The following PCDH9 variants were observed in gnomAD, a reference collection of about 807,000 sequenced individuals.
PCDH9 encodes the protein protocadherin-9.
In PCDH9, 24 loss-of-function variants were observed where a neutral mutation model predicts 70.6. The ratio of observed to expected loss-of-function variants is 0.34; its 90% confidence interval spans 0.25 to 0.48. The LOEUF (loss-of-function observed/expected upper bound fraction) is 0.48, where lower values mean the gene tolerates loss of function less well. Among genes scored for constraint, PCDH9 ranks in the 20% least tolerant of loss-of-function variants. The pLI is 0.99. For synonymous variants in PCDH9, 562 were observed against 558.5 expected, an observed-to-expected ratio of 1.01 and a Z score of -0.09; for missense variants, 1,281 against 1,503.6, an observed-to-expected ratio of 0.85 and a Z score of 2.45.
At chr13:66,684,662 T>A (rs12585457) in intron 3 of PCDH9, among the ~76,000 whole-genome samples, 48,781 of 152,032 alleles carry the variant, frequency 0.32, 8,566 homozygotes, top group East Asian at 0.51. Context: ...TCAGGAAACA[T>A]GTGGAACTGT....
At chr13:66,731,573 T>C (rs1277972497) in intron 3 of PCDH9, among the ~76,000 whole-genome samples, 4 of 152,122 alleles carry the variant, frequency 2.6e-5, no homozygotes, top group Admixed American at 2.0e-4. Context: ...AGCAAGAGCA[T>C]GATGGATTAT....
intron 2 of PCDH9, among the ~76,000 whole-genome samples, chr13:67,111,071 TC>T (rs2086650632): frequency 6.6e-6 from 1 of 152,228 alleles, no homozygotes; most frequent in African/African-American, 2.4e-5. Context: ...CATGCCTCTT[TC>T]CTTACATGGC....
intron 3 of PCDH9, among the ~76,000 whole-genome samples, chr13:66,671,804 T>G (rs977160889): frequency 1.3e-5 from 2 of 152,180 alleles, no homozygotes; most frequent in Non-Finnish European, 2.9e-5. Context: ...ACTTTGGATT[T>G]GAACTTATGT....
chr13:66,539,164 C>G (rs1960838470), intron 4 of PCDH9, among the ~76,000 whole-genome samples: 1 of 152,024 alleles, frequency 6.6e-6, no homozygotes, highest in Non-Finnish European at 1.5e-5. Context: ...TCTCTTGATT[C>G]AAACTTCTCA....
At chr13:67,141,184 AGAG>A (rs1195529932) in intron 2 of PCDH9, among the ~76,000 whole-genome samples, 1 of 152,200 alleles carries the variant, frequency 6.6e-6, no homozygotes, top group African/African-American at 2.4e-5. Context: ...AAATAAAACG[AGAG>A]AAGAGCACAT....
At chr13:66,640,404 C>A (rs2077693336) in intron 3 of PCDH9, among the ~76,000 whole-genome samples, 2 of 152,042 alleles carry the variant, frequency 1.3e-5, no homozygotes, top group African/African-American at 4.8e-5. Context: ...CTTTTAAAAC[C>A]AAAGTAGGCC....
intron 4 of PCDH9, among the ~76,000 whole-genome samples, chr13:66,508,846 T>C (rs971467938): frequency 5.3e-5 from 8 of 152,144 alleles, no homozygotes; most frequent in Non-Finnish European, 1.2e-4. Flanking sequence ...TTTTGGAAAA[T>C]TCTTGGGGAG....
At chr13:66,805,188 G>A (rs557954098) in intron 3 of PCDH9, among the ~76,000 whole-genome samples, 1 of 152,144 alleles carries the variant, frequency 6.6e-6, no homozygotes, top group Admixed American at 6.5e-5. Context: ...AAAGTAAATA[G>A]TTTGAAAAAT....
intron 2 of PCDH9, among the ~76,000 whole-genome samples, chr13:67,175,243 T>C (rs897674045): frequency 5.3e-5 from 8 of 152,184 alleles, no homozygotes; most frequent in Non-Finnish European, 1.2e-4. Context: ...AGCTTTCCAG[T>C]GACTAAAAGT....
At chr13:67,055,194 T>C (rs1356915019) in intron 2 of PCDH9, among the ~76,000 whole-genome samples, 1 of 152,236 alleles carries the variant, frequency 6.6e-6, no homozygotes, top group Non-Finnish European at 1.5e-5. Context: ...TCTTATTTGC[T>C]ATGTGAGTTT....
chr13:66,532,113 A>C (rs1960484707), intron 4 of PCDH9, among the ~76,000 whole-genome samples: 1 of 151,932 alleles, frequency 6.6e-6, no homozygotes. Context: ...TTGCCTCCTA[A>C]ATAGCTGGGA....
At chr13:66,837,319 A>G (rs1443629185) in intron 3 of PCDH9, among the ~76,000 whole-genome samples, 1 of 152,114 alleles carries the variant, frequency 6.6e-6, no homozygotes, top group Non-Finnish European at 1.5e-5. Context: ...ACGAGTGTTA[A>G]TTCCCTTGGT....
chr13:66,905,629 T>G (rs1252764837), intron 2 of PCDH9, among the ~76,000 whole-genome samples: 1 of 152,162 alleles, frequency 6.6e-6, no homozygotes, highest in African/African-American at 2.4e-5. Context: ...CATAGAATTT[T>G]TTCTTCCTTT....
At chr13:67,179,807 T>A (rs896166991) in intron 2 of PCDH9, among the ~76,000 whole-genome samples, 11 of 152,094 alleles carry the variant, frequency 7.2e-5, no homozygotes, top group Non-Finnish European at 1.6e-4. Context: ...TTGGGTGTGT[T>A]ATCATTACTT....
chr13:66,616,943 C>T (rs940676082), intron 4 of PCDH9, among the ~76,000 whole-genome samples: 2 of 152,156 alleles, frequency 1.3e-5, no homozygotes, highest in African/African-American at 4.8e-5. Context: ...AGGAAAACTG[C>T]ATCTAAGGAA....
At chr13:66,419,779 TTC>T in intron 4 of PCDH9, among the ~76,000 whole-genome samples, 1 of 150,710 alleles carries the variant, frequency 6.6e-6, no homozygotes, top group African/African-American at 2.5e-5. Flanking sequence ...TTTTTTTTTT[TTC>T]CCCCAGTGGC....
In PCDH9 at chr13:66,923,671, G is replaced by T. The variant is rs926778400; in HGVS notation, c.3037-20066C>A. On this transcript the variant is annotated intron_variant, in intron 2 of 4. Coordinates refer to ENST00000377865, the MANE Select transcript of PCDH9 (RefSeq NM_203487.3). ...AGATAAGGAAACTGAAGCATAGAAT[G>T]ATTAAGTAATTTGCTTAATGTCACA... 7.3e-5 allele frequency among the ~76,000 whole-genome samples: 11 copies of T among 151,618 alleles called. No individual in the cohort carries two copies. The Admixed American group carries it at 7.3e-4, about 10-fold the overall frequency.
At chr13:66,588,374 GTT>G (rs2076992038) in intron 4 of PCDH9, among the ~76,000 whole-genome samples, 3 of 151,792 alleles carry the variant, frequency 2.0e-5, no homozygotes, top group Non-Finnish European at 2.9e-5. Context: ...TGAGATTTAG[GTT>G]TCCAATAAGA....
chr13:67,039,106 T>C (rs1358279506), intron 2 of PCDH9, among the ~76,000 whole-genome samples: 1 of 152,200 alleles, frequency 6.6e-6, no homozygotes, highest in Non-Finnish European at 1.5e-5. Context: ...AATGCATCCA[T>C]GTGTCTCCAG....
Sources: gnomAD v4.1 joint callset for allele counts (sites outside exome capture counted in the v4.1 genomes callset) on GRCh38, gnomAD v4.1.1 for gene constraint, MANE v1.5 for transcripts, NCBI Gene and HGNC (gene_info 2026-07-23, HGNC 2026-07-21) for gene names.